Variants in ERAP1 observed in about 807,000 individuals in gnomAD.
ERAP1 encodes the protein adipocyte-derived leucine aminopeptidase.
Under a neutral mutation model 103.7 loss-of-function variants are expected in ERAP1, and 86 were observed. The ratio of observed to expected loss-of-function variants is 0.83; its 90% CI spans 0.70 to 0.99. The LOEUF (loss-of-function observed/expected upper bound fraction) is 0.99, where lower values mean the gene tolerates loss of function less well. Among genes scored for constraint, ERAP1 ranks in the 50% least tolerant of loss-of-function variants. The pLI is 0.00. For missense variants in ERAP1, 1,009 were observed against 1,128.4 expected (o/e 0.89, Z 1.52); for synonymous variants, 398 against 402.4 (o/e 0.99, Z 0.13).
the ERAP1 span, among the ~76,000 whole-genome samples, chr5:96,839,297 G>A: frequency 6.6e-6 from 1 of 152,174 alleles, no homozygotes; most frequent in Non-Finnish European, 1.5e-5. Context: ...CCAGTCTCCA[G>A]CTCCCCTCCC....
Position 96,785,963 on chromosome 5 carries a change from T to C in ERAP1, c.1768A>G (p.Ile590Val). 1 of 1,614,102 alleles carries C rather than the reference T, an allele frequency of 6.2e-7. No individual in the cohort carries two copies. The highest frequency in any genetic ancestry group is 1.3e-5 in the African/African-American group (1 of 75,060). The change falls in exon 13 of 19, where the codon ATC (isoleucine) becomes GTC (valine). Residue 590 changes from isoleucine to valine, a missense_variant. Around this residue, in one of 3 missense-constraint regions of ERAP1, gnomAD observed 611 missense variants for 651.7 expected, o/e 0.94. Coordinates refer to ENST00000443439, the MANE Select transcript of ERAP1 (RefSeq NM_001040458.3). Reference protein sequence around the residue: ...FLLKTKTDVLILPEEVEWIKF... With the variant: ...FLLKTKTDVLVLPEEVEWIKF... ...ATCCATTCCACCTCTTCTGGGAGGA[T>C]GAGCACATCTAGAGTAAATAAAATA... is the stretch of plus-strand genomic sequence containing the variant.
chr5:96,784,130 C>T (rs1775652442), intron 13 of ERAP1, 50 bp from the exon 14 acceptor site: 2 of 1,576,542 alleles, frequency 1.3e-6, no homozygotes, highest in Non-Finnish European at 1.7e-6. Flanking sequence ...TCCGGGAAGT[C>T]AACTTTTTGC....
In ERAP1 at chr5:96,774,591, G is replaced by T. The variant is rs933410266; in HGVS notation, c.*1805C>A. 2.8e-5 allele frequency: 28 copies of T among 985,340 alleles called. No individual in the cohort carries two copies. In the African/African-American group the frequency reaches 3.8e-4, roughly 14 times the overall value. 61.0% of individuals were successfully genotyped at this position (985,340 alleles called of 1,614,324 possible). On this transcript the variant is annotated 3_prime_UTR_variant, in exon 19 of 19. Coordinates refer to ENST00000443439, the MANE Select transcript of ERAP1 (RefSeq NM_001040458.3). ...CTTTTCCAAAAGCAAACAAAGATAG[G>T]TTCCTCAGGTGACCAAAACTGAAAA...
chr5:96,830,561 T>TA, the ERAP1 span, among the ~76,000 whole-genome samples: 2 of 152,114 alleles, frequency 1.3e-5, no homozygotes, highest in Non-Finnish European at 2.9e-5. Flanking sequence ...ATTGCTACAG[T>TA]AAAAAATGAA....
At chr5:96,857,608 A>T in the ERAP1 span, among the ~76,000 whole-genome samples, 12 of 152,350 alleles carry the variant, frequency 7.9e-5, no homozygotes, top group Middle Eastern at 3.4e-3. Flanking sequence ...AAATTAAGTG[A>T]CTTTCCGAAG....
chr5:96,767,709 A>G (rs1770500276), intron 19 of ERAP1, among the ~76,000 whole-genome samples: 1 of 152,212 alleles, frequency 6.6e-6, no homozygotes, highest in Non-Finnish European at 1.5e-5. Flanking sequence ...AACGTGTATT[A>G]AAGAGTAGAT....
chr5:96,846,371 TGG>T, the ERAP1 span, among the ~76,000 whole-genome samples: 1 of 152,236 alleles, frequency 6.6e-6, no homozygotes, highest in Admixed American at 6.5e-5. Context: ...TAGAATCAAC[TGG>T]GGAGCTTCTT....
intron 11 of ERAP1, among the ~76,000 whole-genome samples, chr5:96,787,979 TC>T (rs2150941045): frequency 6.6e-6 from 1 of 152,276 alleles, no homozygotes; most frequent in East Asian, 1.9e-4. Context: ...GTTGTGTTAT[TC>T]TTGTAACTTC....
At chr5:96,788,484 C>T (rs1207032089) in intron 11 of ERAP1, 47 bp downstream of exon 11, 1 of 1,607,638 alleles carries the variant, frequency 6.2e-7, no homozygotes, top group African/African-American at 1.3e-5. Flanking sequence ...TCCTACAAGG[C>T]AGATGTTACC....
the ERAP1 span, among the ~76,000 whole-genome samples, chr5:96,838,388 A>G: frequency 2.0e-5 from 3 of 152,174 alleles, no homozygotes; most frequent in Admixed American, 1.3e-4. Flanking sequence ...CAAAGTCTAC[A>G]TTGGAAAATA....
the ERAP1 span, chr5:96,935,834 G>C: frequency 0.02 from 7,272 of 359,364 alleles, 478 homozygotes; most frequent in African/African-American, 0.14. Context: ...CCCGGCCGGG[G>C]AGAGCGCCGC....
chr5:96,893,623 TG>T, the ERAP1 span, among the ~76,000 whole-genome samples: 1 of 152,316 alleles, frequency 6.6e-6, no homozygotes, highest in African/African-American at 2.4e-5. Flanking sequence ...ATGCTCCCTC[TG>T]GCCCTCCCTT....
intron 3 of ERAP1, among the ~76,000 whole-genome samples, chr5:96,799,278 A>G (rs753103551): frequency 7.4e-4 from 112 of 152,184 alleles, no homozygotes; most frequent in East Asian, 1.9e-3. Context: ...CAATGTTCCA[A>G]TGGTATATAT....
upstream of ERAP1, among the ~76,000 whole-genome samples, chr5:96,811,692 A>T (rs1779167970): frequency 6.6e-6 from 1 of 152,234 alleles, no homozygotes; most frequent in Non-Finnish European, 1.5e-5. Flanking sequence ...CGAGCAATGT[A>T]TGCCAGATTC....
chr5:96,768,275 G>T, intron 19 of ERAP1: 2 of 424,134 alleles, frequency 4.7e-6, no homozygotes, highest in South Asian at 4.2e-5. Flanking sequence ...TGTAGAGAGG[G>T]GGTTTCGCCA....
chr5:96,834,979 T>A, the ERAP1 span, among the ~76,000 whole-genome samples: 1 of 152,212 alleles, frequency 6.6e-6, no homozygotes, highest in Non-Finnish European at 1.5e-5. Context: ...ACATGATTCT[T>A]AGGCACACAA....
chr5:96,791,214 C>T (rs1425500905), intron 8 of ERAP1, among the ~76,000 whole-genome samples: 9 of 152,158 alleles, frequency 5.9e-5, no homozygotes, highest in Non-Finnish European at 7.4e-5. Context: ...GGGCTCTTTT[C>T]CCCTCCACTC....
chr5:96,795,287 T>C, intron 4 of ERAP1, 125 bp from the exon 5 acceptor site: 1 of 1,287,468 alleles, frequency 7.8e-7, no homozygotes, highest in Non-Finnish European at 1.1e-6. Flanking sequence ...AAGAAAATAA[T>C]TGGGAATTCC....
rs1561667939 is a variant in ERAP1 at position 96,781,699 on chromosome 5, A to C, written c.2441T>G (p.Leu814Arg). ...GAATGAATGACGGACTCACCATTGA[A>C]GCTTTTCCTTATTTTGGGTTCTGCA... ...ALCRTQNKEK[L>R]QWLLDESFKG... Residue 814 changes from leucine to arginine, a missense_variant, in exon 16 of 19, where the codon CTT (leucine) becomes CGT (arginine). Transcript: ENST00000443439. 2 of 1,614,032 alleles carry C rather than the reference A, an allele frequency of 1.2e-6. No homozygotes were observed. The highest frequency in any genetic ancestry group is 2.7e-5 in the African/African-American group (2 of 74,932).
Sources: allele counts gnomAD v4.1 joint callset (sites outside exome capture counted in the v4.1 genomes callset), GRCh38; gene constraint gnomAD v4.1.1; regional missense constraint gnomAD v4.1.1; transcripts MANE v1.5; gene names NCBI Gene and HGNC (gene_info 2026-07-23, HGNC 2026-07-21).